Variants in HYAL1 observed in about 807,000 individuals in gnomAD.
HYAL1 encodes the protein hyaluronidase 1, also known as hyaluronidase-1.
In HYAL1, 21 loss-of-function variants were observed where a neutral mutation model predicts 28.8. The ratio of observed to expected loss-of-function variants is 0.73; its 90% CI spans 0.52 to 1.05. The LOEUF (loss-of-function observed/expected upper bound fraction) is 1.05, where lower values mean the gene tolerates loss of function less well. Ranked by LOEUF, HYAL1 falls within the 50% of genes least tolerant of loss-of-function variation. The pLI, the probability that HYAL1 is intolerant of heterozygous loss-of-function variation, is 0.00. For synonymous variants in HYAL1, 200 were observed against 230.1 expected, an observed-to-expected ratio of 0.87 and a Z score of 1.18; for missense variants, 491 against 579.2, an observed-to-expected ratio of 0.85 and a Z score of 1.56.
In HYAL1 at chr3:50,302,988, G is replaced by A. The variant is rs1702234643; in HGVS notation, c.-24-8C>T. ...GGACTGGTCGAGGACAACCTGGCCAGGGGAGGCAGAGCTGAGAACAGGTTG... is the reference window on the plus strand; with the variant it reads ...GGACTGGTCGAGGACAACCTGGCCAAGGGAGGCAGAGCTGAGAACAGGTTG... On this transcript the variant is annotated splice_region_variant and splice_polypyrimidine_tract_variant and intron_variant, in intron 1 of 3. Transcript: ENST00000395144. The surrounding 1 kb of genome is among the most constrained non-coding windows in gnomAD (Gnocchi z 5.0). 5 of 1,532,002 alleles carry A rather than the reference G, an allele frequency of 3.3e-6. No homozygotes were observed. The South Asian group carries it at 5.1e-5, about 16-fold the overall frequency. The allele number at this position is 1,532,002 out of a possible 1,614,324, so 94.9% of individuals were successfully genotyped here. A position where few individuals can be genotyped will look rare whatever the true frequency, so the allele number is the denominator to read the frequency against.
chr3:50,308,733 CCT>C, intron 2 of HYAL1, among the ~76,000 whole-genome samples: 1 of 129,536 alleles, frequency 7.7e-6, no homozygotes, highest in East Asian at 3.2e-4. Flanking sequence ...CCGTGCCTGG[CCT>C]TTTTTTTTTT....
At position 50,308,602 on chromosome 3, in the gene HYAL1, C is replaced by T. The variant is rs587642893; in HGVS notation, c.-191+1057G>A. On this transcript the variant is annotated intron_variant, in intron 2 of 5. Transcript: ENST00000320295. ...AGCTGGGGCTACAGGCGCCCACCAC[C>T]GCGCCCGGCTAATTTTTTGTATTTT... Among the ~76,000 whole-genome samples the T allele has an allele frequency of 4.3e-3, 651 of 149,994 alleles. 41 individuals are homozygous for T. Among genetic ancestry groups the T allele is most frequent in the African/African-American group, 0.015 (605 of 39,918 alleles).
upstream of HYAL1, among the ~76,000 whole-genome samples, chr3:50,304,692 G>T (rs1240428706): frequency 6.6e-6 from 1 of 152,088 alleles, no homozygotes; most frequent in Non-Finnish European, 1.5e-5. Flanking sequence ...GTAGGGACCT[G>T]TTTCTGAAAG....
At position 50,302,186 on chromosome 3, in the gene HYAL1, C is replaced by T. The variant is rs781943397; in HGVS notation, c.771G>A (p.Lys257=). Residue 257 remains lysine, a synonymous_variant, in exon 2 of 4, where the codon AAG becomes AAA. Coordinates refer to ENST00000395144, the MANE Select transcript of HYAL1 (RefSeq NM_033159.4). The surrounding 1 kb of genome is among the most constrained non-coding windows in gnomAD (Gnocchi z 5.0). ...CACGGTGTTGCACATACATCTGTGA[C>T]TTCCCTGTGCCCTCCAGCACTGCGG... The part of the protein sequence containing the change: ...YMPAVLEGTG[K]SQMYVQHRVA... 5.9e-5 allele frequency: 96 copies of T among 1,614,092 alleles called. No homozygotes were observed. The highest frequency in any genetic ancestry group is 1.2e-4 in the Admixed American group (7 of 60,008).
upstream of HYAL1, among the ~76,000 whole-genome samples, chr3:50,305,872 C>T (rs1193984442): frequency 1.3e-5 from 2 of 151,330 alleles, no homozygotes; most frequent in African/African-American, 4.9e-5. Flanking sequence ...CTCATATCTC[C>T]CTAAAATGTA....
At chr3:50,307,517 A>G (rs1357889740), upstream of HYAL1, among the ~76,000 whole-genome samples, 3 of 149,358 alleles carry the variant, frequency 2.0e-5, 1 homozygote, top group African/African-American at 5.1e-5. Context: ...TGTCTCTACT[A>G]AAAATACAAA....
In HYAL1 at chr3:50,301,088, G is replaced by T; in HGVS notation, c.901-11C>A. 6.3e-7 allele frequency: 1 copy of T among 1,593,224 alleles called. No homozygotes were observed. Among genetic ancestry groups the T allele is most frequent in the Non-Finnish European group, 8.6e-7 (1 of 1,161,602 alleles). On this transcript the variant is annotated splice_polypyrimidine_tract_variant and intron_variant, in intron 2 of 3. Coordinates refer to ENST00000395144, the MANE Select transcript of HYAL1 (RefSeq NM_033159.4). ...GTGCTCCAGCTCATCCTGGGAAGGA[G>T]ACAGCACAGCTCTGTGGGGCCTCCT...
intron 1 of HYAL1, among the ~76,000 whole-genome samples, chr3:50,311,514 G>A (rs1377282668): frequency 1.5e-5 from 2 of 133,266 alleles, no homozygotes; most frequent in South Asian, 2.4e-4. Flanking sequence ...TCCCAGTAGG[G>A]GCGGCCGGGC....
chr3:50,300,334 T>TG lies in HYAL1; in HGVS notation c.*148dup, dbSNP rs1702068809. On this transcript the variant is annotated 3_prime_UTR_variant, in exon 4 of 4. Coordinates refer to ENST00000395144, the MANE Select transcript of HYAL1 (RefSeq NM_033159.4). Reference sequence around the variant, plus strand: ...CACTATTCCAGTCTGTAAGTATGCATGTGTGTGCAGGGAATATGCCTGTGA... The same window carrying TG: ...CACTATTCCAGTCTGTAAGTATGCATGGTGTGTGCAGGGAATATGCCTGTGA... 1.3e-6 allele frequency: 1 copy of TG among 764,466 alleles called. No homozygotes were observed. Among genetic ancestry groups the TG allele is most frequent in the African/African-American group, 1.7e-5 (1 of 58,804 alleles). 47.4% of individuals were successfully genotyped at this position (764,466 alleles called of 1,614,324 possible). A position where few individuals can be genotyped will look rare whatever the true frequency, so the allele number is the denominator to read the frequency against.
intron 2 of HYAL1, chr3:50,309,632 A>G (rs1553714493): frequency 6.6e-6 from 1 of 151,312 alleles, no homozygotes; most frequent in African/African-American, 2.5e-5. Flanking sequence ...CATTTTGTGT[A>G]CACAGTCCCT....
upstream of HYAL1, among the ~76,000 whole-genome samples, chr3:50,307,679 TG>T (rs1311234498): frequency 2.4e-5 from 1 of 40,898 alleles, no homozygotes; most frequent in Non-Finnish European, 4.2e-5. Context: ...AGACTCCATC[TG>T]AAAAAAAAAA....
chr3:50,311,007 C>T lies in HYAL1; in HGVS notation c.-309-1230G>A, dbSNP rs1180146039. On this transcript the variant is annotated intron_variant, in intron 1 of 5. Coordinates refer to the HYAL1 transcript ENST00000320295. ...AGTCTCCCACGTCTACATCTTTCTACACAGACATGGCAACCATCCGATTTC... is the reference window on the plus strand; with the variant it reads ...AGTCTCCCACGTCTACATCTTTCTATACAGACATGGCAACCATCCGATTTC... Among the ~76,000 whole-genome samples, 3 of 152,202 alleles carry T rather than the reference C, an allele frequency of 2.0e-5. No homozygotes were observed. In the East Asian group the frequency reaches 5.8e-4, roughly 29 times the overall value.
At chr3:50,300,957 A>AC in intron 3 of HYAL1, 31 bp downstream of exon 3, 1 of 254,034 alleles carries the variant, frequency 3.9e-6, no homozygotes, top group Non-Finnish European at 8.3e-6. Flanking sequence ...CCCCTCCCCC[A>AC]CCCCCACCCT....
In HYAL1 at chr3:50,302,578, C is replaced by T. The variant is rs1247887932; in HGVS notation, c.379G>A (p.Val127Ile). The T allele has an allele frequency of 5.0e-6, 8 of 1,614,070 alleles. No homozygotes were observed. The highest frequency in any genetic ancestry group is 6.8e-6 in the Non-Finnish European group (8 of 1,180,036). ...GGGCGCCATGCCTCCCAGTCGATGACTGCCAGCCCTGAGAAGTCAGGAGCA... is the reference window on the plus strand; with the variant it reads ...GGGCGCCATGCCTCCCAGTCGATGATTGCCAGCCCTGAGAAGTCAGGAGCA... ...IPAPDFSGLA[V>I]IDWEAWRPRW... Residue 127 changes from valine to isoleucine, a missense_variant, in exon 2 of 4, where the codon GTC becomes ATC. By Grantham distance (29) the Val-to-Ile change is conservative. Transcript: ENST00000395144. The surrounding 1 kb of genome is among the most constrained non-coding windows in gnomAD (Gnocchi z 5.0).
upstream of HYAL1, among the ~76,000 whole-genome samples, chr3:50,304,454 A>G (rs921028560): frequency 6.7e-6 from 1 of 149,128 alleles, no homozygotes. Context: ...ATTAAAAATT[A>G]GCTGGGCATG....
chr3:50,302,324 G>C lies in HYAL1; in HGVS notation c.633C>G (p.Asp211Glu). 2 of 1,613,520 alleles carry C rather than the reference G, an allele frequency of 1.2e-6. No homozygotes were observed. Among genetic ancestry groups the C allele is most frequent in the Non-Finnish European group, 1.7e-6 (2 of 1,180,002 alleles). ...GGCCGGTGTAGTTGGGGCTTAGAAA[G>C]TCATAGTTGTAGCAGTCAGGGAAGC... ...FYGFPDCYNYDFLSPNYTGQC... is the reference protein window; with the variant it reads ...FYGFPDCYNYEFLSPNYTGQC... The change falls in exon 2 of 4, where the codon GAC becomes GAG. Residue 211 changes from aspartate to glutamate, a missense_variant. Physicochemically the swap from Asp to Glu is conservative, Grantham distance 45 (BLOSUM62 2). Coordinates refer to ENST00000395144, the MANE Select transcript of HYAL1 (RefSeq NM_033159.4). The surrounding 1 kb of genome is among the most constrained non-coding windows in gnomAD (Gnocchi z 5.0).
upstream of HYAL1, among the ~76,000 whole-genome samples, chr3:50,307,680 GAAAAAAA>G (rs1160592800): frequency 8.0e-5 from 2 of 24,988 alleles, no homozygotes; most frequent in Non-Finnish European, 1.5e-4. Context: ...GACTCCATCT[GAAAAAAA>G]AAAAAAAAAA....
chr3:50,309,258 G>C (rs1702400091), intron 2 of HYAL1, among the ~76,000 whole-genome samples: 1 of 149,138 alleles, frequency 6.7e-6, no homozygotes, highest in Non-Finnish European at 1.5e-5. Flanking sequence ...GAGGTTGTGA[G>C]TTCGAGACCA....
Position 50,311,909 on chromosome 3 carries a change from C to G in HYAL1, c.-310+355G>C, listed in dbSNP as rs1262471499. Among the ~76,000 whole-genome samples, 5 of 145,002 alleles carry G rather than the reference C, an allele frequency of 3.4e-5. No homozygotes were observed. In the East Asian group the frequency reaches 6.4e-4, roughly 19 times the overall value. On this transcript the variant is annotated intron_variant, in intron 1 of 5. Transcript: ENST00000320295. ...CGGGCGGGGGGCTGATCCCCCCTCC[C>G]CTCACGGATGGGGTGGCTGGCCGGC...
Sources: allele counts gnomAD v4.1 joint callset (sites outside exome capture counted in the v4.1 genomes callset), GRCh38; gene constraint gnomAD v4.1.1; non-coding constraint Gnocchi (gnomAD v3.1); transcripts MANE v1.5; gene names NCBI Gene and HGNC (gene_info 2026-07-23, HGNC 2026-07-21).